WDR90: variants seen among roughly 807,000 people sequenced by gnomAD.
WDR90 encodes the protein WD repeat domain 90.
A neutral mutation model predicts 195.2 loss-of-function variants in WDR90; 238 were observed. The observed-to-expected ratio is 1.22, with a 90% CI of 1.10 to 1.36. WDR90 has a LOEUF of 1.36. Ranked by LOEUF, WDR90 falls within the 40% of genes most tolerant of loss-of-function variation. The pLI, the probability that WDR90 is intolerant of heterozygous loss-of-function variation, is 0.00. For synonymous variants in WDR90, 1,265 were observed against 1,052.4 expected (o/e 1.20, Z -3.91); for missense variants, 2,734 against 2,439.5 (o/e 1.12, Z -2.54).
chr16:662,011 C>G lies in WDR90; in HGVS notation c.3985C>G (p.Arg1329Gly). ...SSGQVCVWDTRAGRCFLSWEA... is the reference protein window; with the variant it reads ...SSGQVCVWDTGAGRCFLSWEA... ...TGGCCAGGTCTGTGTCTGGGACACG[C>G]GTGCCGGCCGCTGCTTCTTGTCCTG... is the stretch of plus-strand genomic sequence containing the variant. Residue 1329 changes from arginine to glycine, a missense_variant, in exon 32 of 41, where the codon CGT becomes GGT. Arg to Gly is a moderately radical substitution (Grantham distance 125). Transcript: ENST00000293879. 6.2e-7 allele frequency: 1 copy of G among 1,603,712 alleles called. No individual in the cohort carries two copies. The highest frequency in any genetic ancestry group is 1.1e-5 in the South Asian group (1 of 91,088).
At chr16:652,400 G>A in intron 9 of WDR90, 67 bp from the exon 10 acceptor site, 1 of 1,532,680 alleles carries the variant, frequency 6.5e-7, no homozygotes, top group Non-Finnish European at 8.8e-7. Context: ...GCGGGGCTCG[G>A]AGTTGGTCGG....
rs373506512 is a variant in WDR90 at position 660,687 on chromosome 16, G to T, written c.3364G>T (p.Ala1122Ser). ...CGTCGGTTACAGCGGGAATGGGCGG[G>T]CCAACATGGTCTGGAGGCCGGACAC... is the stretch of plus-strand genomic sequence containing the variant. ...AVVGYSGNGR[A>S]NMVWRPDTGF... The change falls in exon 28 of 41, where the codon GCC (alanine) becomes TCC (serine). Residue 1122 changes from alanine (A) to serine (S), a missense_variant. Coordinates refer to ENST00000293879, the MANE Select transcript of WDR90 (RefSeq NM_145294.5). 13 of 1,578,020 alleles carry T rather than the reference G, an allele frequency of 8.2e-6. No homozygotes were observed. In the African/African-American group the frequency reaches 1.6e-4, roughly 20 times the overall value.
Position 655,461 on chromosome 16 carries a change from G to A in WDR90, c.1711G>A (p.Ala571Thr). ...ARDGCPEPSAAMLFVCSRSGH... is the reference protein window; with the variant it reads ...ARDGCPEPSATMLFVCSRSGH... Reference sequence around the variant, plus strand: ...GGACGGCTGCCCGGAGCCCTCGGCTGCCATGCTGTGAGTCCCTGCCCTTCC... The same window carrying A: ...GGACGGCTGCCCGGAGCCCTCGGCTACCATGCTGTGAGTCCCTGCCCTTCC... The change falls in exon 15 of 41, where the codon GCC (alanine) becomes ACC (threonine). Residue 571 changes from alanine (A) to threonine (T), a missense_variant. Ala to Thr is a moderately conservative substitution (Grantham distance 58). Coordinates refer to ENST00000293879, the MANE Select transcript of WDR90 (RefSeq NM_145294.5). The A allele has an allele frequency of 1.3e-6, 2 of 1,536,426 alleles. No homozygotes were observed. Among genetic ancestry groups the A allele is most frequent in the Middle Eastern group, 1.7e-4 (1 of 5,820 alleles).
At chr16:658,034 G>T (rs1216292908) in intron 21 of WDR90, 142 bp downstream of exon 21, 4 of 1,450,192 alleles carry the variant, frequency 2.8e-6, no homozygotes, top group Non-Finnish European at 3.7e-6. Flanking sequence ...CAGCCATGTG[G>T]GGCCCACGTG....
rs768214262 is a variant in WDR90, at chr16:653,398, G to A, written c.1180G>A (p.Val394Ile). The A allele has an allele frequency of 9.3e-6, 15 of 1,608,540 alleles. No homozygotes were observed. The highest frequency in any genetic ancestry group is 6.8e-5 in the Admixed American group (4 of 58,582). The change falls in exon 11 of 41, where the codon GTC (valine) becomes ATC (isoleucine). Residue 394 changes from valine to isoleucine, a missense_variant. Transcript: ENST00000293879. ...GTACCCCTGCCATGCGGTCATCGTCGTCCTGCTCGTGGACACGGGGGAGCA... is the reference window on the plus strand; with the variant it reads ...GTACCCCTGCCATGCGGTCATCGTCATCCTGCTCGTGGACACGGGGGAGCA... The part of the protein sequence containing the change: ...VVYPCHAVIV[V>I]LLVDTGEQRF...
In WDR90 at chr16:658,181, A is replaced by G; in HGVS notation, c.2605-2A>G. The G allele has an allele frequency of 6.2e-7, 1 of 1,607,212 alleles. No individual in the cohort carries two copies. Among genetic ancestry groups the G allele is most frequent in the Non-Finnish European group, 8.5e-7 (1 of 1,176,402 alleles). On this transcript the variant is annotated splice_acceptor_variant, in intron 21 of 40. Transcript: ENST00000293879. LOFTEE classifies it high-confidence loss of function. ...CTGTCGGCCACTTACCACTACCCCCAGCTGCTGCGAGTTGACATCGGCACT... is the reference window on the plus strand; with the variant it reads ...CTGTCGGCCACTTACCACTACCCCCGGCTGCTGCGAGTTGACATCGGCACT...
chr16:659,154 A>G (rs888066579), intron 25 of WDR90, 28 bp downstream of exon 25: 3 of 1,610,500 alleles, frequency 1.9e-6, no homozygotes, highest in Admixed American at 3.3e-5. Flanking sequence ...GCTGGGGTGC[A>G]GGTGCTGCGC....
intron 13 of WDR90, 23 bp from the exon 14 acceptor site, chr16:655,006 G>A: frequency 6.2e-7 from 1 of 1,609,634 alleles, no homozygotes; most frequent in South Asian, 1.1e-5. Flanking sequence ...CTGCCGTGCG[G>A]GCTCAGCCTG....
In WDR90 at chr16:662,791, G is replaced by A; in HGVS notation, c.4258G>A (p.Val1420Ile). Residue 1420 changes from valine to isoleucine, a missense_variant, in exon 34 of 41, where the codon GTC (valine) becomes ATC (isoleucine). By Grantham distance (29) the Val-to-Ile change is conservative. Coordinates refer to ENST00000293879, the MANE Select transcript of WDR90 (RefSeq NM_145294.5). ...VGTTAGTLWF[V>I]SWAEGTSTRL... ...CACCACGGCGGGCACGCTGTGGTTT[G>A]TCAGCTGGGCCGAGGGCACCAGCAC... 1 of 1,604,792 alleles carries A rather than the reference G, an allele frequency of 6.2e-7. No individual in the cohort carries two copies. The highest frequency in any genetic ancestry group is 8.5e-7 in the Non-Finnish European group (1 of 1,176,134).
chr16:663,318 A>C (rs962910038), intron 34 of WDR90: 2 of 323,698 alleles, frequency 6.2e-6, no homozygotes, highest in Admixed American at 9.5e-5. Flanking sequence ...TATACCTGTA[A>C]TCCCAGCTAC....
intron 15 of WDR90, 31 bp downstream of exon 15, chr16:655,499 C>T: frequency 6.5e-7 from 1 of 1,533,928 alleles, no homozygotes; most frequent in Middle Eastern, 1.7e-4. Context: ...ACGGCCTGCC[C>T]CGGCATGGGG....
In WDR90 at chr16:652,466, G is replaced by A. The variant is rs1320132040; in HGVS notation, c.1054-1G>A. On this transcript the variant is annotated splice_acceptor_variant, in intron 9 of 40. Coordinates refer to ENST00000293879, the MANE Select transcript of WDR90 (RefSeq NM_145294.5). LOFTEE classifies it high-confidence loss of function. The stretch of plus-strand genomic sequence containing the variant: ...GACTTTGATGCGAATGGCTGTTTCA[G>A]GGCTTCCTCCCAGACCCAGTCCTGA... The A allele has an allele frequency of 6.2e-7, 1 of 1,604,726 alleles. No homozygotes were observed. Among genetic ancestry groups the A allele is most frequent in the South Asian group, 1.1e-5 (1 of 90,218 alleles).
In WDR90 at chr16:649,845, C is replaced by T. The variant is rs373813331; in HGVS notation, c.93C>T (p.Ala31=). 2.7e-5 allele frequency: 43 copies of T among 1,581,584 alleles called. 1 individual carries two copies. The African/African-American group carries it at 5.5e-4, about 20-fold the overall frequency. The change falls in exon 2 of 41, where the codon GCC becomes GCT. Residue 31 remains alanine, a synonymous_variant. Transcript: ENST00000293879. ...WKRSAKQGDV[A]VVTDKTLKGA... is the part of the protein sequence containing the mutation. ...GCTCCGCCAAGCAGGGGGACGTGGCCGTGGTCACGGTAGGCGGCCGGGGGC... is the reference window on the plus strand; with the variant it reads ...GCTCCGCCAAGCAGGGGGACGTGGCTGTGGTCACGGTAGGCGGCCGGGGGC...
In WDR90 at chr16:662,256, G is replaced by A; in HGVS notation, c.4070G>A (p.Gly1357Asp). Residue 1357 changes from glycine (G) to aspartate (D), a missense_variant, in exon 33 of 41, where the codon GGC becomes GAC. Coordinates refer to ENST00000293879, the MANE Select transcript of WDR90 (RefSeq NM_145294.5). ...LLFSGSRLVS[G>D]SSTGRLRLWA... Reference sequence around the variant, plus strand: ...TTCTCGGGTTCTCGATTGGTCAGCGGCAGCAGCACGGGGCGGCTGCGCCTG... The same window carrying A: ...TTCTCGGGTTCTCGATTGGTCAGCGACAGCAGCACGGGGCGGCTGCGCCTG... The A allele has an allele frequency of 6.3e-7, 1 of 1,584,234 alleles. No individual in the cohort carries two copies. Among genetic ancestry groups the A allele is most frequent in the Non-Finnish European group, 8.6e-7 (1 of 1,166,408 alleles).
At chr16:663,222 G>A (rs1483739788) in intron 34 of WDR90, 4 of 362,778 alleles carry the variant, frequency 1.1e-5, no homozygotes, top group Non-Finnish European at 2.2e-5. Flanking sequence ...TGGATCACCT[G>A]AGGTCAGGAG....
intron 33 of WDR90, 35 bp downstream of exon 33, chr16:662,366 G>A (rs371198446): frequency 1.7e-4 from 269 of 1,540,182 alleles, no homozygotes; most frequent in Non-Finnish European, 2.0e-4. Flanking sequence ...TTGGCTGCAC[G>A]TGGGTGTTGG....
Position 657,849 on chromosome 16 carries a change from C to G in WDR90, c.2561C>G (p.Ser854Cys), listed in dbSNP as rs747701693. The change falls in exon 21 of 41, where the codon TCC (serine) becomes TGC (cysteine). Residue 854 changes from serine (S) to cysteine (C), a missense_variant. Coordinates refer to ENST00000293879, the MANE Select transcript of WDR90 (RefSeq NM_145294.5). ...CGCCTGCTGGCCTTTGTGGGACCCT[C>G]CAGGTGCACAGTGACAGTCATGGGC... ...DGRLLAFVGP[S>C]RCTVTVMGSA... 3.8e-6 allele frequency: 6 copies of G among 1,589,166 alleles called. No individual in the cohort carries two copies. Among genetic ancestry groups the G allele is most frequent in the African/African-American group, 2.7e-5 (2 of 74,488 alleles).
At chr16:665,912 C>A in intron 35 of WDR90, 38 bp from the exon 36 acceptor site, 1 of 1,564,538 alleles carries the variant, frequency 6.4e-7, no homozygotes, top group Non-Finnish European at 8.7e-7. Flanking sequence ...CCTCAGGGCC[C>A]CTGTGAGTGC....
intron 28 of WDR90, 85 bp from the exon 29 acceptor site, chr16:660,966 G>A: frequency 7.1e-6 from 1 of 140,764 alleles, no homozygotes; most frequent in Non-Finnish European, 1.3e-5. Flanking sequence ...CCCAGGCCCC[G>A]CCCCCTGTTC....
Sources: allele counts gnomAD v4.1 joint callset, GRCh38; gene constraint gnomAD v4.1.1; transcripts MANE v1.5; gene names NCBI Gene and HGNC (gene_info 2026-07-23, HGNC 2026-07-21).